Variants in HAUS3 observed in about 807,000 individuals in gnomAD.
HAUS3 encodes HAUS augmin like complex subunit 3.
In HAUS3, 36 loss-of-function variants were observed where a neutral mutation model predicts 55.2. The observed-to-expected ratio is 0.65, with a 90% CI of 0.50 to 0.86. The LOEUF (loss-of-function observed/expected upper bound fraction) is 0.86, where lower values mean the gene tolerates loss of function less well. Ranked by LOEUF, HAUS3 falls within the 40% of genes least tolerant of loss-of-function variation. The pLI, the probability that HAUS3 is intolerant of heterozygous loss-of-function variation, is 0.00. For synonymous variants in HAUS3, 234 were observed against 238.6 expected (o/e 0.98, Z 0.18); for missense variants, 752 against 671.5 (o/e 1.12, Z -1.33).
rs886606702 is a variant in HAUS3 at position 2,231,892 on chromosome 4, A to G, written c.*35T>C. On this transcript the variant is annotated 3_prime_UTR_variant, in exon 6 of 6. Coordinates refer to ENST00000443786, the MANE Select transcript of HAUS3 (RefSeq NM_001303143.2). ...TACACAGTCTTCTAATAAATAAAAG[A>G]GGACACGTAATAAAGATTCAGTTTT... The G allele has an allele frequency of 4.5e-6, 4 of 891,920 alleles. No homozygotes were observed. In the African/African-American group the frequency reaches 6.9e-5, roughly 15 times the overall value. 55.3% of individuals were successfully genotyped at this position (891,920 alleles called of 1,614,324 possible).
intron 3 of HAUS3, 78 bp from the exon 4 acceptor site, chr4:2,239,121 C>G (rs1189255523): frequency 6.3e-5 from 44 of 702,678 alleles, no homozygotes; most frequent in Non-Finnish European, 7.3e-5. Context: ...TCACTTTCCA[C>G]TTTAGGTGAC....
rs1734538423 is a variant in HAUS3, at chr4:2,230,402, CAT to C, written c.*1523_*1524del. 6.6e-6 allele frequency: 1 copy of C among 152,040 alleles called. No individual in the cohort carries two copies. Among genetic ancestry groups the C allele is most frequent in the African/African-American group, 2.4e-5 (1 of 41,372 alleles). 9.4% of individuals were successfully genotyped at this position (152,040 alleles called of 1,614,324 possible). A position where few individuals can be genotyped will look rare whatever the true frequency, so the allele number is the denominator to read the frequency against. ...AGGAAACCAGGTGACATATTTTCCA[CAT>C]TTTTGGAGAAAATAAAAATTTTAAG... On this transcript the variant is annotated 3_prime_UTR_variant, in exon 6 of 6. Transcript: ENST00000443786.
At position 2,242,067 on chromosome 4, in the gene HAUS3, T is replaced by G. The variant is rs1209236094; in HGVS notation, c.-435A>C. 3 of 985,624 alleles carry G rather than the reference T, an allele frequency of 3.0e-6. No homozygotes were observed. The highest frequency in any genetic ancestry group is 3.6e-6 in the Non-Finnish European group (3 of 830,164). The allele number at this position is 985,624 out of a possible 1,614,324, so 61.1% of individuals were successfully genotyped here. ...GTCAGTCACCTCAGGAAGTTCCGCT[T>G]GCTTCTCGCAGGAGCCCGCCGCCAC... On this transcript the variant is annotated 5_prime_UTR_variant, in exon 1 of 6. Coordinates refer to ENST00000443786, the MANE Select transcript of HAUS3 (RefSeq NM_001303143.2).
chr4:2,229,131 A>G lies in HAUS3; in HGVS notation c.*2796T>C, dbSNP rs112868163. On this transcript the variant is annotated 3_prime_UTR_variant, in exon 6 of 6. Coordinates refer to ENST00000443786, the MANE Select transcript of HAUS3 (RefSeq NM_001303143.2). The stretch of plus-strand genomic sequence containing the variant: ...ACTCTTTCCCCAAGTCTTAGAATCC[A>G]CTAAATCACCTGAATGCATAGCAGA... 1.0e-4 allele frequency: 167 copies of G among 1,610,824 alleles called. 1 individual carries two copies. The African/African-American group carries it at 1.7e-3, about 17-fold the overall frequency.
chr4:2,241,486 T>C (rs895030547), intron 2 of HAUS3, 34 bp downstream of exon 2: 4 of 985,156 alleles, frequency 4.1e-6, no homozygotes, highest in Non-Finnish European at 4.8e-6. Flanking sequence ...CAAATAAGCA[T>C]GGCACATCTT....
Position 2,240,547 on chromosome 4 carries a change from A to T in HAUS3, c.400T>A (p.Ser134Thr), listed in dbSNP as rs1257196673. The stretch of plus-strand genomic sequence containing the variant: ...TCTTCTTTAGCATTTAACCTCAGAG[A>T]TTTGTGGCTAGTTACTGAAGCCATC... Reference protein sequence around the residue: ...QLMASVTSHKSLRLNAKEEEA... With the variant: ...QLMASVTSHKTLRLNAKEEEA... The change falls in exon 3 of 6, where the codon TCT becomes ACT. Residue 134 changes from serine (S) to threonine (T), a missense_variant. Coordinates refer to ENST00000443786, the MANE Select transcript of HAUS3 (RefSeq NM_001303143.2). 3 of 1,613,476 alleles carry T rather than the reference A, an allele frequency of 1.9e-6. No homozygotes were observed. In the African/African-American group the frequency reaches 4.0e-5, roughly 22 times the overall value.
Position 2,232,021 on chromosome 4 carries a change from T to C in HAUS3, c.1718A>G (p.Tyr573Cys), listed in dbSNP as rs371859569. Reference protein sequence around the residue: ...NKLHQMEREFYVYFLKDEDYL... With the variant: ...NKLHQMEREFCVYFLKDEDYL... ...ATCTTCATCTTTTAAAAAATATACA[T>C]AGAATTCTCTTTCCATTTGATGTAA... The change falls in exon 6 of 6, where the codon TAT (tyrosine) becomes TGT (cysteine). Residue 573 changes from tyrosine to cysteine, a missense_variant. Tyr to Cys is a radical substitution (Grantham distance 194). Transcript: ENST00000443786. 8.6e-6 allele frequency: 13 copies of C among 1,507,438 alleles called. No individual in the cohort carries two copies. Among genetic ancestry groups the C allele is most frequent in the Non-Finnish European group, 1.2e-5 (13 of 1,089,846 alleles). The allele number at this position is 1,507,438 out of a possible 1,614,324, so 93.4% of individuals were successfully genotyped here.
chr4:2,239,831 G>A (rs1734905688), intron 3 of HAUS3, among the ~76,000 whole-genome samples: 1 of 152,176 alleles, frequency 6.6e-6, no homozygotes, highest in Admixed American at 6.5e-5. Context: ...ATGTGGTAGA[G>A]ATTATAATTA....
Position 2,229,379 on chromosome 4 carries a change from C to T in HAUS3, c.*2548G>A. 2.9e-6 allele frequency: 2 copies of T among 678,686 alleles called. No homozygotes were observed. 42.0% of individuals were successfully genotyped at this position (678,686 alleles called of 1,614,324 possible). On this transcript the variant is annotated 3_prime_UTR_variant, in exon 6 of 6. Coordinates refer to ENST00000443786, the MANE Select transcript of HAUS3 (RefSeq NM_001303143.2). ...TATATTCATAACCACAGAAAATAGG[C>T]ATCAATCATCCAATAATATAGATAG...
In HAUS3 at chr4:2,229,653, C is replaced by T. The variant is rs1442964184; in HGVS notation, c.*2274G>A. 4.6e-5 allele frequency: 7 copies of T among 152,704 alleles called. No homozygotes were observed. Among genetic ancestry groups the T allele is most frequent in the Non-Finnish European group, 1.0e-4 (7 of 68,662 alleles). 9.5% of individuals were successfully genotyped at this position (152,704 alleles called of 1,614,324 possible). On this transcript the variant is annotated 3_prime_UTR_variant, in exon 6 of 6. Transcript: ENST00000443786. Reference sequence around the variant, plus strand: ...CAACCTGGCCAACATGATGAAACCCCGTCTCTACTAAAAATACAAAAAATT... The same window carrying T: ...CAACCTGGCCAACATGATGAAACCCTGTCTCTACTAAAAATACAAAAAATT...
chr4:2,237,411 A>G (rs1373723563), intron 4 of HAUS3, among the ~76,000 whole-genome samples: 1 of 151,886 alleles, frequency 6.6e-6, no homozygotes, highest in Non-Finnish European at 1.5e-5. Context: ...ACTCCTACCT[A>G]GGCAAGAGAG....
At position 2,236,298 on chromosome 4, in the gene HAUS3, C is replaced by T. The variant is rs1307185528; in HGVS notation, c.1508G>A (p.Arg503Gln). 7 of 1,613,654 alleles carry T rather than the reference C, an allele frequency of 4.3e-6. 1 individual carries two copies. The highest frequency in any genetic ancestry group is 3.3e-5 in the South Asian group (3 of 91,060). The part of the protein sequence containing the change: ...AQEHSFFLSK[R>Q]NKDVDMLCDT... ...ACAAAGCATGTCCACATCCTTATTC[C>T]GTTTGGACAGAAAGAAAGAATGTTC... The change falls in exon 5 of 6, where the codon CGG becomes CAG. Residue 503 changes from arginine (R) to glutamine (Q), a missense_variant. Transcript: ENST00000443786.
rs1267723135 is a variant in HAUS3, at chr4:2,238,728, C to T, written c.1225G>A (p.Val409Ile). The T allele has an allele frequency of 1.2e-6, 2 of 1,613,546 alleles. No individual in the cohort carries two copies. The highest frequency in any genetic ancestry group is 1.7e-6 in the Non-Finnish European group (2 of 1,179,750). ...ATGTTACTTTGACTAAGTTCTTGAACCAAATTTTCAAGTTGACGATATATG... is the reference window on the plus strand; with the variant it reads ...ATGTTACTTTGACTAAGTTCTTGAATCAAATTTTCAAGTTGACGATATATG... ...RDIYRQLENL[V>I]QELSQSNMML... Residue 409 changes from valine to isoleucine, a missense_variant, in exon 4 of 6, where the codon GTT (valine) becomes ATT (isoleucine). Physicochemically the swap from Val to Ile is conservative, Grantham distance 29. Transcript: ENST00000443786.
Position 2,237,781 on chromosome 4 carries a change from A to G in HAUS3, c.1349+823T>C, listed in dbSNP as rs556298899. ...AATTTAAACAATGTAAAATGTAAAT[A>G]GTTACATAAATAGCTATAATAGTAA... On this transcript the variant is annotated intron_variant, in intron 4 of 5. Transcript: ENST00000443786. 5.3e-5 allele frequency among the ~76,000 whole-genome samples: 8 copies of G among 152,370 alleles called. No homozygotes were observed. In the East Asian group the frequency reaches 1.5e-3, roughly 29 times the overall value.
intron 5 of HAUS3, among the ~76,000 whole-genome samples, chr4:2,233,437 AT>A (rs146831054): frequency 1.3e-5 from 2 of 151,162 alleles, no homozygotes; most frequent in African/African-American, 2.4e-5. Context: ...TCTTGGATGC[AT>A]TTTTTTTTCA....
At chr4:2,233,793 G>A (rs146838926) in intron 5 of HAUS3, among the ~76,000 whole-genome samples, 26 of 152,230 alleles carry the variant, frequency 1.7e-4, no homozygotes, top group Admixed American at 3.3e-4. Flanking sequence ...TTAACTAAGA[G>A]TTTTTCTTTT....
At chr4:2,233,459 T>A (rs1262645626) in intron 5 of HAUS3, among the ~76,000 whole-genome samples, 1 of 152,098 alleles carries the variant, frequency 6.6e-6, no homozygotes, top group Non-Finnish European at 1.5e-5. Context: ...CATTTTAACA[T>A]ATCTGAAATG....
At position 2,238,683 on chromosome 4, in the gene HAUS3, C is replaced by T; in HGVS notation, c.1270G>A (p.Glu424Lys). 1.9e-6 allele frequency: 3 copies of T among 1,613,324 alleles called. No individual in the cohort carries two copies. Among genetic ancestry groups the T allele is most frequent in the Non-Finnish European group, 2.5e-6 (3 of 1,179,420 alleles). The change falls in exon 4 of 6, where the codon GAA becomes AAA. Residue 424 changes from glutamate (E) to lysine (K), a missense_variant. Physicochemically the swap from Glu to Lys is moderately conservative, Grantham distance 56. Coordinates refer to ENST00000443786, the MANE Select transcript of HAUS3 (RefSeq NM_001303143.2). ...GAAACTGATGGATCTGTTAACATTTCTAATTGCTTGTAGAGCATCATGTTA... is the reference window on the plus strand; with the variant it reads ...GAAACTGATGGATCTGTTAACATTTTTAATTGCTTGTAGAGCATCATGTTA... ...QSNMMLYKQL[E>K]MLTDPSVSQQ...
At chr4:2,233,434 T>A (rs1161022428) in intron 5 of HAUS3, among the ~76,000 whole-genome samples, 1 of 136,592 alleles carries the variant, frequency 7.3e-6, no homozygotes, top group Admixed American at 7.0e-5. Context: ...GATTCTTGGA[T>A]GCATTTTTTT....
Sources: allele counts gnomAD v4.1 joint callset (sites outside exome capture counted in the v4.1 genomes callset), GRCh38; gene constraint gnomAD v4.1.1; transcripts MANE v1.5; gene names NCBI Gene and HGNC (gene_info 2026-07-23, HGNC 2026-07-21).